Variants in RUBCN observed in about 807,000 individuals in gnomAD.
RUBCN encodes rubicon autophagy regulator.
RUBCN carries 74 observed loss-of-function variants against 113.2 expected under a neutral mutation model. The observed-to-expected ratio is 0.65, with a 90% confidence interval of 0.54 to 0.79. RUBCN has a LOEUF of 0.79. Ranked by LOEUF, RUBCN falls within the 30% of genes least tolerant of loss-of-function variation. The pLI is 0.00. For synonymous variants in RUBCN, 480 were observed against 490.0 expected (o/e 0.98, Z 0.27); for missense variants, 1,109 against 1,251.7 (o/e 0.89, Z 1.72).
chr3:197,682,759 G>A (rs1178315380), intron 13 of RUBCN, 144 bp from the exon 14 acceptor site: 15 of 1,075,812 alleles, frequency 1.4e-5, no homozygotes, highest in East Asian at 2.6e-5. Flanking sequence ...ACAGAAATGC[G>A]GGACCCTTTT....
At chr3:197,713,321 C>T (rs1334155068) in intron 2 of RUBCN, among the ~76,000 whole-genome samples, 1 of 152,130 alleles carries the variant, frequency 6.6e-6, no homozygotes, top group African/African-American at 2.4e-5. Context: ...CTCTAGATGA[C>T]AGTTTAATAT....
Position 197,717,961 on chromosome 3 carries a change from A to G in RUBCN, c.219+16T>C. ...AGCGAGTCAGCCAATCTGGCAAAAA[A>G]AGGAGTTCTGCATACCTGGTCACGG... On this transcript the variant is annotated intron_variant, in intron 2 of 19. Coordinates refer to ENST00000296343, the MANE Select transcript of RUBCN (RefSeq NM_014687.4). 1 of 1,613,160 alleles carries G rather than the reference A, an allele frequency of 6.2e-7. No homozygotes were observed. The highest frequency in any genetic ancestry group is 1.7e-5 in the Admixed American group (1 of 60,024).
At chr3:197,717,329 A>G (rs1725648530) in intron 2 of RUBCN, among the ~76,000 whole-genome samples, 1 of 151,874 alleles carries the variant, frequency 6.6e-6, no homozygotes, top group Admixed American at 6.6e-5. Flanking sequence ...CTGTAGTCCC[A>G]GCTACTCGGG....
At chr3:197,734,501 ACTTACCCTG>A (rs1203921122) in intron 1 of RUBCN, among the ~76,000 whole-genome samples, 1 of 152,086 alleles carries the variant, frequency 6.6e-6, no homozygotes, top group Non-Finnish European at 1.5e-5. Context: ...TTGGCAAGTT[ACTTACCCTG>A]TCCATTTCTC....
rs1468070057 is a variant in RUBCN, at chr3:197,672,896, T to C, written c.*2122A>G. ...TTGGAAGAGACAGGGTTTCACCACA[T>C]TGGCCAGGCTGGTCTCAAACTCCTG... is the stretch of plus-strand genomic sequence containing the variant. On this transcript the variant is annotated 3_prime_UTR_variant, in exon 20 of 20. Transcript: ENST00000296343. 6.6e-6 allele frequency: 1 copy of C among 152,338 alleles called. No individual in the cohort carries two copies. The highest frequency in any genetic ancestry group is 1.5e-5 in the Non-Finnish European group (1 of 68,112). The allele number at this position is 152,338 out of a possible 1,614,324, so 9.4% of individuals were successfully genotyped here.
intron 8 of RUBCN, 42 bp downstream of exon 8, chr3:197,696,912 G>T: frequency 1.8e-6 from 2 of 1,088,258 alleles, no homozygotes; most frequent in Non-Finnish European, 2.9e-6. Context: ...GGGGTGAGCA[G>T]AGAAAATATA....
chr3:197,683,523 G>C lies in RUBCN; in HGVS notation c.1848-84C>G, dbSNP rs780013083. The C allele has an allele frequency of 2.4e-4, 364 of 1,515,318 alleles. No homozygotes were observed. Among genetic ancestry groups the C allele is most frequent in the Non-Finnish European group, 3.0e-4 (326 of 1,101,622 alleles). 93.9% of individuals were successfully genotyped at this position (1,515,318 alleles called of 1,614,324 possible). On this transcript the variant is annotated intron_variant, in intron 12 of 19. Coordinates refer to ENST00000296343, the MANE Select transcript of RUBCN (RefSeq NM_014687.4). The surrounding 1 kb of genome is among the most constrained non-coding windows in gnomAD (Gnocchi z 4.6). ...TTCCCTTCATGATCTCATCCCCCAC[G>C]CAGCAACTTCTGGGCTGGAAGAACA...
In RUBCN at chr3:197,681,928, C is replaced by T. The variant is rs768892593; in HGVS notation, c.2127-29G>A. 8 of 1,583,826 alleles carry T rather than the reference C, an allele frequency of 5.1e-6. No individual in the cohort carries two copies. The highest frequency in any genetic ancestry group is 1.1e-5 in the South Asian group (1 of 90,432). On this transcript the variant is annotated intron_variant, in intron 14 of 19. Transcript: ENST00000296343. The surrounding 1 kb of genome is among the most constrained non-coding windows in gnomAD (Gnocchi z 5.5). ...AGGAAGGGTAAGGACAGGGCATTGG[C>T]ACAGAGCAGCTGCGTGAGACCTTGG...
chr3:197,715,133 C>T (rs957253503), intron 2 of RUBCN, among the ~76,000 whole-genome samples: 6 of 151,328 alleles, frequency 4.0e-5, no homozygotes, highest in African/African-American at 1.2e-4. Context: ...CTACTAAAAA[C>T]ACAAAACTGG....
At chr3:197,699,170 A>C (rs1723352892) in intron 7 of RUBCN, 1 of 1,535,634 alleles carries the variant, frequency 6.5e-7, no homozygotes, top group East Asian at 2.4e-5. Flanking sequence ...GAGGAGGTGG[A>C]GGACCGATTC....
intron 11 of RUBCN, among the ~76,000 whole-genome samples, chr3:197,693,245 C>A (rs1225335780): frequency 6.6e-6 from 1 of 152,212 alleles, no homozygotes; most frequent in Non-Finnish European, 1.5e-5. Flanking sequence ...TGAGCACCGA[C>A]CGCAAGGGCA....
rs1401122896 is a variant in RUBCN, at chr3:197,672,049, A to G, written c.*2969T>C. On this transcript the variant is annotated 3_prime_UTR_variant, in exon 20 of 20. Coordinates refer to ENST00000296343, the MANE Select transcript of RUBCN (RefSeq NM_014687.4). ...TGACAATGAACTGCCAGGCTGCACA[A>G]GCACCACAGCAGGTGGAAACGCAGT... 1 of 152,262 alleles carries G rather than the reference A, an allele frequency of 6.6e-6. No individual in the cohort carries two copies. Among genetic ancestry groups the G allele is most frequent in the Non-Finnish European group, 1.5e-5 (1 of 68,052 alleles). The allele number at this position is 152,262 out of a possible 1,614,324, so 9.4% of individuals were successfully genotyped here.
At chr3:197,743,187 C>T (rs551969280) in intron 1 of RUBCN, among the ~76,000 whole-genome samples, 1 of 152,332 alleles carries the variant, frequency 6.6e-6, no homozygotes, top group African/African-American at 2.4e-5. Flanking sequence ...AGCAGCTATG[C>T]CTGCAACCCC....
intron 2 of RUBCN, among the ~76,000 whole-genome samples, chr3:197,714,223 G>A (rs1264761651): frequency 6.6e-6 from 1 of 152,192 alleles, no homozygotes; most frequent in Non-Finnish European, 1.5e-5. Context: ...CCATGGATGT[G>A]AGCAATGAGT....
chr3:197,737,429 TG>T (rs1170549436), upstream of RUBCN, among the ~76,000 whole-genome samples: 1 of 151,204 alleles, frequency 6.6e-6, no homozygotes, highest in African/African-American at 2.4e-5. Flanking sequence ...GGAAGATGGA[TG>T]TCAACGCAGA....
intron 7 of RUBCN, 156 bp downstream of exon 7, chr3:197,700,457 G>A (rs1203993989): frequency 1.5e-6 from 1 of 675,674 alleles, no homozygotes; most frequent in Non-Finnish European, 2.6e-6. Context: ...TTGAGTCTCA[G>A]TATTTCGTTA....
chr3:197,694,665 T>A (rs955513921), intron 9 of RUBCN, 80 bp from the exon 10 acceptor site: 5 of 1,301,212 alleles, frequency 3.8e-6, no homozygotes, highest in Admixed American at 3.5e-5. Context: ...AAAAGGGAGT[T>A]TCCAAGATAG....
Position 197,670,979 on chromosome 3 carries a change from C to G in RUBCN, c.*4039G>C, listed in dbSNP as rs900257599. ...GAGGGGAGGTAGAGGTGGTCACAAT[C>G]CCGCCCCTCATGCCACAGTGTGCTG... On this transcript the variant is annotated 3_prime_UTR_variant, in exon 20 of 20. Coordinates refer to ENST00000296343, the MANE Select transcript of RUBCN (RefSeq NM_014687.4). Among the ~76,000 whole-genome samples, 1 of 152,134 alleles carries G rather than the reference C, an allele frequency of 6.6e-6. No individual in the cohort carries two copies. The highest frequency in any genetic ancestry group is 1.5e-5 in the Non-Finnish European group (1 of 68,030).
At chr3:197,744,135 C>A (rs1728642871) in intron 1 of RUBCN, among the ~76,000 whole-genome samples, 1 of 151,574 alleles carries the variant, frequency 6.6e-6, no homozygotes, top group East Asian at 1.9e-4. Flanking sequence ...TTCTAGATAT[C>A]CTCTTTTGAA....
Sources: gnomAD v4.1 joint callset for allele counts (sites outside exome capture counted in the v4.1 genomes callset) on GRCh38, gnomAD v4.1.1 for gene constraint, Gnocchi (gnomAD v3.1) non-coding constraint, MANE v1.5 for transcripts, NCBI Gene and HGNC (gene_info 2026-07-23, HGNC 2026-07-21) for gene names.